Variants in GPHN observed in about 807,000 individuals in gnomAD.
GPHN encodes gephyrin.
GPHN carries 17 observed loss-of-function variants against 95.5 expected under a neutral mutation model. The observed-to-expected ratio is 0.18, with a 90% CI of 0.12 to 0.27. The LOEUF is 0.27. Among genes scored for constraint, GPHN ranks in the 10% least tolerant of loss-of-function variants. GPHN has a pLI of 1.00. For missense variants in GPHN, 660 were observed against 978.1 expected (o/e 0.67, Z 4.34); for synonymous variants, 320 against 322.5 (o/e 0.99, Z 0.08).
chr14:66,718,042 C>A (rs2070357896), intron 2 of GPHN, among the ~76,000 whole-genome samples: 1 of 152,130 alleles, frequency 6.6e-6, no homozygotes, highest in African/African-American at 2.4e-5. Flanking sequence ...GGGGAGGAAC[C>A]AGAGGTGGGT....
intron 4 of GPHN, among the ~76,000 whole-genome samples, chr14:66,854,391 G>A (rs889269849): frequency 2.6e-5 from 4 of 152,150 alleles, no homozygotes; most frequent in Non-Finnish European, 5.9e-5. Flanking sequence ...GAAGATGACA[G>A]CAACTATAAT....
At chr14:67,393,375 A>G in the GPHN span, 4 of 713,068 alleles carry the variant, frequency 5.6e-6, no homozygotes, top group African/African-American at 7.0e-5. Flanking sequence ...AAAGGGGTGT[A>G]GGAAAGCAGC....
At chr14:67,185,446 G>T (rs1171606205), downstream of GPHN, among the ~76,000 whole-genome samples, 1 of 152,146 alleles carries the variant, frequency 6.6e-6, no homozygotes, top group African/African-American at 2.4e-5. Context: ...TACTTGGCAC[G>T]GTGGACATCA....
the GPHN span, among the ~76,000 whole-genome samples, chr14:67,302,878 AG>A: frequency 1.3e-5 from 2 of 152,216 alleles, no homozygotes; most frequent in East Asian, 3.8e-4. Context: ...CTTGGGAAAC[AG>A]TAACAAAACA....
At chr14:67,162,925 A>T (rs1350631536) in intron 19 of GPHN, among the ~76,000 whole-genome samples, 1 of 152,236 alleles carries the variant, frequency 6.6e-6, no homozygotes, top group African/African-American at 2.4e-5. Context: ...CAGTTTCCAT[A>T]TAAACTGGGA....
the GPHN span, among the ~76,000 whole-genome samples, chr14:67,681,923 A>C: frequency 2.0e-5 from 3 of 152,178 alleles, no homozygotes; most frequent in African/African-American, 7.2e-5. Flanking sequence ...CTCTGCCTTC[A>C]TGAACAGATT....
the GPHN span, among the ~76,000 whole-genome samples, chr14:67,641,646 A>G: frequency 6.6e-6 from 1 of 152,322 alleles, no homozygotes; most frequent in South Asian, 2.1e-4. Context: ...AGTTTATAAT[A>G]TGTGAATTTC....
At chr14:67,031,127 G>C (rs948761925) in intron 10 of GPHN, among the ~76,000 whole-genome samples, 2 of 151,838 alleles carry the variant, frequency 1.3e-5, no homozygotes, top group Admixed American at 6.6e-5. Flanking sequence ...CCAGGTTCTC[G>C]ACTTATTACT....
the GPHN span, among the ~76,000 whole-genome samples, chr14:67,642,725 G>A: frequency 6.7e-6 from 1 of 148,658 alleles, no homozygotes; most frequent in Non-Finnish European, 1.5e-5. Context: ...GGCTGAATGT[G>A]CAAGTTTTTG....
intron 10 of GPHN, among the ~76,000 whole-genome samples, chr14:67,042,370 T>C (rs1398256400): frequency 6.6e-6 from 1 of 152,174 alleles, no homozygotes; most frequent in Non-Finnish European, 1.5e-5. Flanking sequence ...AGGTCTTATG[T>C]TTAAGTCTTT....
intron 10 of GPHN, among the ~76,000 whole-genome samples, chr14:67,034,732 T>G (rs1367749129): frequency 6.6e-6 from 1 of 152,024 alleles, no homozygotes; most frequent in Non-Finnish European, 1.5e-5. Flanking sequence ...CAGAAATATA[T>G]AACAATTATA....
At chr14:66,733,806 A>G (rs939085032) in intron 2 of GPHN, among the ~76,000 whole-genome samples, 2 of 152,240 alleles carry the variant, frequency 1.3e-5, no homozygotes, top group Non-Finnish European at 2.9e-5. Context: ...GAAATAATCT[A>G]TTAAGTCTCA....
chr14:67,061,391 C>T (rs1036223230), intron 11 of GPHN, among the ~76,000 whole-genome samples: 1 of 152,064 alleles, frequency 6.6e-6, no homozygotes, highest in African/African-American at 2.4e-5. Flanking sequence ...TCCCCTCCCC[C>T]CAGTTAACAT....
At chr14:66,553,171 A>C (rs1355359606) in intron 1 of GPHN, among the ~76,000 whole-genome samples, 1 of 151,632 alleles carries the variant, frequency 6.6e-6, no homozygotes, top group African/African-American at 2.4e-5. Context: ...TTCTATTTTT[A>C]TTAGAGAAGG....
chr14:67,340,885 A>G, the GPHN span, among the ~76,000 whole-genome samples: 23,511 of 152,050 alleles, frequency 0.15, 3,442 homozygotes, highest in East Asian at 0.42. Context: ...TGTGTTGGCC[A>G]GGCTGGTCTC....
the GPHN span, chr14:67,515,416 G>GCGGCGGCGC: frequency 5.5e-6 from 1 of 183,426 alleles, no homozygotes; most frequent in Non-Finnish European, 1.1e-5. Context: ...CCCGGCGGCG[G>GCGGCGGCGC]CGGCGGCGGC....
the GPHN span, among the ~76,000 whole-genome samples, chr14:67,627,470 T>A: frequency 6.6e-6 from 1 of 152,098 alleles, no homozygotes; most frequent in Non-Finnish European, 1.5e-5. Context: ...GTTTTGGGCA[T>A]TGAAAAGAGA....
chr14:67,013,694 T>C (rs866107589), intron 9 of GPHN, among the ~76,000 whole-genome samples: 1 of 151,894 alleles, frequency 6.6e-6, no homozygotes, highest in Non-Finnish European at 1.5e-5. Flanking sequence ...TTTAGAAAAA[T>C]AAAGTCACAA....
the GPHN span, among the ~76,000 whole-genome samples, chr14:67,526,243 T>C: frequency 0.061 from 9,248 of 152,276 alleles, 832 homozygotes; most frequent in African/African-American, 0.2. Flanking sequence ...TGGGAGTCGG[T>C]CTAGTGCCAG....
Sources: gnomAD v4.1 joint callset for allele counts (sites outside exome capture counted in the v4.1 genomes callset) on GRCh38, gnomAD v4.1.1 for gene constraint, MANE v1.5 for transcripts, NCBI Gene and HGNC (gene_info 2026-07-23, HGNC 2026-07-21) for gene names.